Variants in VSTM4 observed in about 807,000 individuals in gnomAD.
The protein encoded by VSTM4 is V-set and transmembrane domain-containing protein 4.
In VSTM4, 20 loss-of-function variants were observed where a neutral mutation model predicts 36.4. That is an observed-to-expected ratio of 0.55 (90% CI 0.39 to 0.80). VSTM4 has a LOEUF of 0.80. Among genes scored for constraint, VSTM4 ranks in the 30% least tolerant of loss-of-function variants. The pLI is 0.00. For missense variants in VSTM4, 392 were observed against 404.5 expected (o/e 0.97, Z 0.26); for synonymous variants, 182 against 173.9 (o/e 1.05, Z -0.37).
At chr10:49,029,365 G>A (rs1843311473) in intron 7 of VSTM4, among the ~76,000 whole-genome samples, 3 of 152,254 alleles carry the variant, frequency 2.0e-5, no homozygotes, top group Admixed American at 2.0e-4. Context: ...TCCAGAAGTG[G>A]CTTTGGGAGG....
chr10:49,081,597 G>T (rs529132286), intron 3 of VSTM4, among the ~76,000 whole-genome samples: 2 of 152,354 alleles, frequency 1.3e-5, no homozygotes, highest in East Asian at 1.9e-4. Context: ...GGCTTCAAAA[G>T]GCCCAAGCTA....
At position 49,107,582 on chromosome 10, in the gene VSTM4, C is replaced by G; in HGVS notation, c.457+12G>C. 6.3e-7 allele frequency: 1 copy of G among 1,593,362 alleles called. No homozygotes were observed. Among genetic ancestry groups the G allele is most frequent in the Non-Finnish European group, 8.6e-7 (1 of 1,167,020 alleles). On this transcript the variant is annotated intron_variant, in intron 2 of 7. Coordinates refer to ENST00000332853, the MANE Select transcript of VSTM4 (RefSeq NM_001031746.5). ...CACCACCACCTCTACCCAGGGAGACCAAGACCCTCACCTCTCATTTCCGTG... is the reference window on the plus strand; with the variant it reads ...CACCACCACCTCTACCCAGGGAGACGAAGACCCTCACCTCTCATTTCCGTG...
At chr10:49,044,892 G>A (rs1465623418) in intron 7 of VSTM4, among the ~76,000 whole-genome samples, 1 of 152,062 alleles carries the variant, frequency 6.6e-6, no homozygotes, top group African/African-American at 2.4e-5. Flanking sequence ...GTAGAGAAGG[G>A]GCTATAGATC....
At chr10:49,049,507 G>A (rs1432745323) in intron 5 of VSTM4, among the ~76,000 whole-genome samples, 1 of 152,130 alleles carries the variant, frequency 6.6e-6, no homozygotes. Context: ...GTAATCCAGA[G>A]GGAAGTACCT....
rs750035921 is a variant in VSTM4, at chr10:49,107,865, C to A, written c.186G>T (p.Trp62Cys). 1 of 1,614,240 alleles carries A rather than the reference C, an allele frequency of 6.2e-7. No homozygotes were observed. The highest frequency in any genetic ancestry group is 1.1e-5 in the South Asian group (1 of 91,090). The change falls in exon 2 of 8, where the codon TGG becomes TGT. Residue 62 changes from tryptophan (W) to cysteine (C), a missense_variant. Transcript: ENST00000332853. ...RRKDSLLAVR[W>C]FFAHSFDSQE... ...GGGAGTCGAAGGAGTGTGCAAAGAA[C>A]CAGCGCACGGCCAGCAAGCTGTCCT...
chr10:49,018,771 A>C lies in VSTM4; in HGVS notation c.*879T>G, dbSNP rs995884954. On this transcript the variant is annotated 3_prime_UTR_variant, in exon 8 of 8. Coordinates refer to ENST00000332853, the MANE Select transcript of VSTM4 (RefSeq NM_001031746.5). ...CTTTCCAGCTTGGCGTGTACTTCCCACTCTCCTACCCTGAGGGCACCTGGC... is the reference window on the plus strand; with the variant it reads ...CTTTCCAGCTTGGCGTGTACTTCCCCCTCTCCTACCCTGAGGGCACCTGGC... 6.6e-6 allele frequency: 1 copy of C among 151,970 alleles called. No individual in the cohort carries two copies. The highest frequency in any genetic ancestry group is 1.5e-5 in the Non-Finnish European group (1 of 68,022). 9.4% of individuals were successfully genotyped at this position (151,970 alleles called of 1,614,324 possible).
At chr10:49,087,382 G>T (rs1564589136) in intron 2 of VSTM4, among the ~76,000 whole-genome samples, 1 of 151,932 alleles carries the variant, frequency 6.6e-6, no homozygotes, top group Admixed American at 6.6e-5. Flanking sequence ...ATCTGTTTTT[G>T]CTTTAGATCT....
At chr10:49,099,683 A>C (rs1465221754) in intron 2 of VSTM4, among the ~76,000 whole-genome samples, 1 of 152,196 alleles carries the variant, frequency 6.6e-6, no homozygotes, top group Non-Finnish European at 1.5e-5. Flanking sequence ...AATTGGAGAA[A>C]CTGCGTCTTT....
rs1308181425 is a variant in VSTM4, at chr10:49,019,668, G to A, written c.945C>T (p.Phe315=). ...CGCTGTACTACAGCTTGTTCTCCTCGAAGAGGATCTGGGCGTAGACAGTGC... is the reference window on the plus strand; with the variant it reads ...CGCTGTACTACAGCTTGTTCTCCTCAAAGAGGATCTGGGCGTAGACAGTGC... ...PTSTVYAQIL[F]EENKL The change falls in exon 8 of 8, where the codon TTC becomes TTT. Residue 315 remains phenylalanine (F), a synonymous_variant. Coordinates refer to ENST00000332853, the MANE Select transcript of VSTM4 (RefSeq NM_001031746.5). The A allele has an allele frequency of 8.7e-6, 14 of 1,612,476 alleles. No individual in the cohort carries two copies. The African/African-American group carries it at 9.3e-5, about 11-fold the overall frequency.
At chr10:49,073,032 C>T (rs774977345) in intron 4 of VSTM4, among the ~76,000 whole-genome samples, 2 of 152,218 alleles carry the variant, frequency 1.3e-5, no homozygotes, top group Non-Finnish European at 2.9e-5. Context: ...GTTATACCTT[C>T]AAAGCCAGGA....
At chr10:49,032,232 G>A (rs1238754514) in intron 7 of VSTM4, among the ~76,000 whole-genome samples, 1 of 152,146 alleles carries the variant, frequency 6.6e-6, no homozygotes, top group African/African-American at 2.4e-5. Context: ...GTCCTCATTC[G>A]ACATGTGCAG....
intron 2 of VSTM4, among the ~76,000 whole-genome samples, chr10:49,105,538 C>T (rs1386988193): frequency 6.6e-6 from 1 of 151,848 alleles, no homozygotes; most frequent in African/African-American, 2.4e-5. Context: ...AGTGGGGGAG[C>T]AAGAGAAGAA....
intron 4 of VSTM4, among the ~76,000 whole-genome samples, chr10:49,066,041 G>A (rs760884765): frequency 9.9e-5 from 15 of 151,922 alleles, no homozygotes; most frequent in Non-Finnish European, 1.3e-4. Context: ...ATGGATCAGT[G>A]GTCTTCAGTC....
chr10:49,075,504 G>A (rs2131989884), intron 4 of VSTM4, among the ~76,000 whole-genome samples: 1 of 152,380 alleles, frequency 6.6e-6, no homozygotes, highest in Middle Eastern at 3.4e-3. Flanking sequence ...TTGAAGGAAG[G>A]CCCATGCCAA....
intron 5 of VSTM4, among the ~76,000 whole-genome samples, chr10:49,059,154 T>C (rs990019876): frequency 2.0e-5 from 3 of 152,056 alleles, no homozygotes; most frequent in Non-Finnish European, 2.9e-5. Context: ...ATCGGGAAAA[T>C]GAATGCAAAG....
chr10:49,038,235 C>CA (rs1279872825), intron 7 of VSTM4, among the ~76,000 whole-genome samples: 6 of 152,206 alleles, frequency 3.9e-5, no homozygotes, highest in African/African-American at 9.6e-5. Flanking sequence ...TAAATGGATA[C>CA]AAAAAATGTG....
chr10:49,086,860 T>C (rs73302716), intron 2 of VSTM4, among the ~76,000 whole-genome samples: 10,619 of 152,258 alleles, frequency 0.07, 1,136 homozygotes, highest in African/African-American at 0.23. Flanking sequence ...TTACTTTTAT[T>C]TAAGTTTAAT....
Position 49,112,361 on chromosome 10 carries a change from G to T in VSTM4, c.55+3070C>A, listed in dbSNP as rs914513861. 2.0e-5 allele frequency among the ~76,000 whole-genome samples: 3 copies of T among 152,252 alleles called. No homozygotes were observed. The South Asian group carries it at 6.2e-4, about 31-fold the overall frequency. ...TCTGGTAGTTGCAGAGAAACGATGA[G>T]ACACAGAAGCAGTGGCTTGGTGGGG... On this transcript the variant is annotated intron_variant, in intron 1 of 7. Coordinates refer to ENST00000332853, the MANE Select transcript of VSTM4 (RefSeq NM_001031746.5).
intron 5 of VSTM4, among the ~76,000 whole-genome samples, chr10:49,052,464 T>G (rs1843713038): frequency 6.8e-6 from 1 of 147,270 alleles, no homozygotes; most frequent in Non-Finnish European, 1.5e-5. Flanking sequence ...TGATTTAGGA[T>G]TTTCTTGATT....
Sources: allele counts gnomAD v4.1 joint callset (sites outside exome capture counted in the v4.1 genomes callset), GRCh38; gene constraint gnomAD v4.1.1; transcripts MANE v1.5; gene names NCBI Gene and HGNC (gene_info 2026-07-23, HGNC 2026-07-21).